AGMO: variants seen among roughly 807,000 people sequenced by gnomAD.
AGMO encodes alkylglycerol monooxygenase.
In AGMO, 75 loss-of-function variants were observed where a neutral mutation model predicts 60.2. That is an observed-to-expected ratio of 1.25 (90% CI 1.03 to 1.51). The LOEUF is 1.51. Among genes scored for constraint, AGMO ranks in the 40% most tolerant of loss-of-function variants. The probability of loss-of-function intolerance (pLI) is 0.00; values close to 1 mark genes in which losing one functional copy is unlikely to be tolerated. For synonymous variants in AGMO, 261 were observed against 177.1 expected, an observed-to-expected ratio of 1.47 and a Z score of -3.76; for missense variants, 763 against 525.5, an observed-to-expected ratio of 1.45 and a Z score of -4.42.
chr7:15,540,477 C>T (rs1784597150), intron 3 of AGMO, among the ~76,000 whole-genome samples: 1 of 152,150 alleles, frequency 6.6e-6, no homozygotes, highest in Non-Finnish European at 1.5e-5. Context: ...GGCAAGGTCT[C>T]TTTCTCATGT....
At chr7:15,496,139 C>T (rs1414386924) in intron 3 of AGMO, among the ~76,000 whole-genome samples, 1 of 152,116 alleles carries the variant, frequency 6.6e-6, no homozygotes, top group Non-Finnish European at 1.5e-5. Flanking sequence ...AACAGCATCA[C>T]CCCTCTCATG....
intron 12 of AGMO, among the ~76,000 whole-genome samples, chr7:15,317,104 CTTT>C (rs1157718549): frequency 1.3e-5 from 2 of 152,254 alleles, no homozygotes; most frequent in Admixed American, 6.5e-5. Flanking sequence ...AGTGAATCTT[CTTT>C]GTGATTCCCA....
chr7:15,293,871 G>C (rs78127139), intron 12 of AGMO, among the ~76,000 whole-genome samples: 3 of 152,002 alleles, frequency 2.0e-5, no homozygotes, highest in Admixed American at 2.0e-4. Flanking sequence ...TTAAAATGTT[G>C]TATAAAATTT....
chr7:15,270,657 G>C (rs371372278), intron 12 of AGMO, among the ~76,000 whole-genome samples: 1 of 51,622 alleles, frequency 1.9e-5, no homozygotes, highest in Non-Finnish European at 3.8e-5. Context: ...AAGCTTTTGG[G>C]TTTAATTAAG....
intron 12 of AGMO, among the ~76,000 whole-genome samples, chr7:15,329,151 T>C (rs779114798): frequency 6.6e-6 from 1 of 152,198 alleles, no homozygotes; most frequent in Non-Finnish European, 1.5e-5. Context: ...ATTAACTTAT[T>C]GCTAGAAAAC....
chr7:15,335,164 C>G (rs1364823828), intron 12 of AGMO, among the ~76,000 whole-genome samples: 6 of 152,060 alleles, frequency 3.9e-5, no homozygotes, highest in Non-Finnish European at 8.8e-5. Context: ...AATAAATCAG[C>G]TGAAGTGATG....
chr7:15,406,559 T>TACACACACAC (rs201255638), intron 5 of AGMO, among the ~76,000 whole-genome samples: 41 of 65,946 alleles, frequency 6.2e-4, no homozygotes, highest in African/African-American at 2.4e-3. Flanking sequence ...TTGTTTGGAA[T>TACACACACAC]ACACACACAC....
At chr7:15,404,873 C>T (rs35242791) in intron 5 of AGMO, among the ~76,000 whole-genome samples, 38,839 of 151,746 alleles carry the variant, frequency 0.26, 5,546 homozygotes, top group Middle Eastern at 0.34. Flanking sequence ...AAAGCAAATA[C>T]GAATCTACAT....
intron 12 of AGMO, among the ~76,000 whole-genome samples, chr7:15,221,099 C>A (rs1189733439): frequency 6.6e-6 from 1 of 152,126 alleles, no homozygotes; most frequent in Non-Finnish European, 1.5e-5. Context: ...TAAATATTTT[C>A]TGTTGTTGTT....
chr7:15,387,330 C>CT, intron 9 of AGMO, 76 bp downstream of exon 9: 1 of 1,495,542 alleles, frequency 6.7e-7, no homozygotes, highest in South Asian at 1.3e-5. Context: ...ATGAAAACAG[C>CT]GTATGTACAG....
intron 3 of AGMO, among the ~76,000 whole-genome samples, chr7:15,529,240 TG>T (rs1784211512): frequency 6.6e-6 from 1 of 151,820 alleles, no homozygotes; most frequent in South Asian, 2.1e-4. Context: ...CATGTAGTAC[TG>T]GGGTGGTTAT....
intron 12 of AGMO, among the ~76,000 whole-genome samples, chr7:15,229,264 C>T (rs1782180084): frequency 6.6e-6 from 1 of 151,814 alleles, no homozygotes; most frequent in Non-Finnish European, 1.5e-5. Flanking sequence ...ATGTCTATAA[C>T]CAGAGGGAGT....
intron 3 of AGMO, among the ~76,000 whole-genome samples, chr7:15,537,189 T>C (rs909086928): frequency 6.6e-6 from 1 of 152,072 alleles, no homozygotes; most frequent in Non-Finnish European, 1.5e-5. Flanking sequence ...ATTTATTCAT[T>C]CACTCATCTA....
chr7:15,510,295 A>G (rs1783635320), intron 3 of AGMO, among the ~76,000 whole-genome samples: 1 of 151,946 alleles, frequency 6.6e-6, no homozygotes, highest in Non-Finnish European at 1.5e-5. Context: ...CCTCCCTAGT[A>G]GCTAGGACTA....
intron 12 of AGMO, among the ~76,000 whole-genome samples, chr7:15,247,091 C>T (rs1317776057): frequency 6.6e-6 from 1 of 151,650 alleles, no homozygotes; most frequent in Non-Finnish European, 1.5e-5. Flanking sequence ...ATGCATGAGC[C>T]ACTGTGCCCA....
chr7:15,275,682 G>C (rs1341719412), intron 12 of AGMO, among the ~76,000 whole-genome samples: 1 of 151,934 alleles, frequency 6.6e-6, no homozygotes, highest in Admixed American at 6.5e-5. Flanking sequence ...TGTTTTCTTA[G>C]GTTAAGTAGT....
At chr7:15,373,249 G>C (rs1393159726) in intron 10 of AGMO, among the ~76,000 whole-genome samples, 2 of 151,722 alleles carry the variant, frequency 1.3e-5, no homozygotes, top group Non-Finnish European at 2.9e-5. Flanking sequence ...CAGCACTCCA[G>C]CCTGGACAAC....
chr7:15,270,137 A>C (rs1783551224), intron 12 of AGMO, among the ~76,000 whole-genome samples: 1 of 152,036 alleles, frequency 6.6e-6, no homozygotes, highest in East Asian at 1.9e-4. Context: ...CCATGGTGGG[A>C]TTGCTAGTTC....
intron 12 of AGMO, among the ~76,000 whole-genome samples, chr7:15,256,493 C>A (rs1241229871): frequency 2.6e-5 from 4 of 152,134 alleles, no homozygotes; most frequent in Non-Finnish European, 5.9e-5. Flanking sequence ...CAGGCGCCCA[C>A]CACGACGCCT....
Sources: gnomAD v4.1 joint callset for allele counts (sites outside exome capture counted in the v4.1 genomes callset) on GRCh38, gnomAD v4.1.1 for gene constraint, MANE v1.5 for transcripts, NCBI Gene and HGNC (gene_info 2026-07-23, HGNC 2026-07-21) for gene names.